Variants in AKAP9 observed in about 807,000 individuals in gnomAD.
AKAP9 encodes A-kinase anchor protein 9.
A neutral mutation model predicts 488.5 loss-of-function variants in AKAP9; 311 were observed. The ratio of observed to expected loss-of-function variants is 0.64; its 90% CI spans 0.58 to 0.70. The LOEUF (loss-of-function observed/expected upper bound fraction) is 0.70, where lower values mean the gene tolerates loss of function less well. Among genes scored for constraint, AKAP9 ranks in the 30% least tolerant of loss-of-function variants. The pLI, the probability that AKAP9 is intolerant of heterozygous loss-of-function variation, is 0.00. For missense variants in AKAP9, 4,215 were observed against 4,374.5 expected (o/e 0.96, Z 1.03); for synonymous variants, 1,462 against 1,483.5 (o/e 0.99, Z 0.33).
intron 28 of AKAP9, among the ~76,000 whole-genome samples, chr7:92,075,667 G>C (rs1433251494): frequency 2.6e-5 from 4 of 152,154 alleles, no homozygotes; most frequent in Non-Finnish European, 5.9e-5. Flanking sequence ...CTCTAAAATG[G>C]GGATACTCAG....
At chr7:92,083,789 A>AT (rs1380674888) in intron 33 of AKAP9, 134 bp downstream of exon 33, 2 of 894,582 alleles carry the variant, frequency 2.2e-6, no homozygotes, top group African/African-American at 3.4e-5. Flanking sequence ...AAGTAGGTGT[A>AT]TTATCAAGGC....
chr7:92,107,142 C>A (rs937412604), intron 47 of AKAP9, 151 bp from the exon 48 acceptor site: 3 of 807,294 alleles, frequency 3.7e-6, no homozygotes, highest in Non-Finnish European at 5.7e-6. Flanking sequence ...GTACTGTTTT[C>A]TCCTTTATCA....
chr7:91,976,362 C>G (rs1340261623), intron 2 of AKAP9, among the ~76,000 whole-genome samples: 1 of 152,194 alleles, frequency 6.6e-6, no homozygotes, highest in African/African-American at 2.4e-5. Context: ...GCTGGGACTA[C>G]AGGCCCATGC....
In AKAP9 at chr7:92,083,619, C is replaced by A. The variant is rs148603859; in HGVS notation, c.8610C>A (p.Thr2870=). Residue 2870 remains threonine (T), a synonymous_variant, in exon 33 of 50, where the codon ACC becomes ACA. Coordinates refer to ENST00000356239, the MANE Select transcript of AKAP9 (RefSeq NM_005751.5). ...AGTTACTGAAAGAGGAATGTGGTAC[C>A]TTGAAGGCAGTGATACAGTGTCTGA... is the stretch of plus-strand genomic sequence containing the variant. The part of the protein sequence containing the change: ...AVQLLKEECG[T]LKAVIQCLRS... 11 of 1,608,828 alleles carry A rather than the reference C, an allele frequency of 6.8e-6. No homozygotes were observed. The Admixed American group carries it at 1.4e-4, about 20-fold the overall frequency.
rs1554413472 is a variant in AKAP9 at position 92,018,435 on chromosome 7, C to CACACAT, written c.3837+1338_3837+1339insTACACA. 5.7e-3 allele frequency among the ~76,000 whole-genome samples: 801 copies of CACACAT among 141,044 alleles called. 5 individuals carry two copies. Among genetic ancestry groups the CACACAT allele is most frequent in the East Asian group, 0.018 (90 of 5,002 alleles). 92.5% of individuals were successfully genotyped at this position (141,044 alleles called of 152,430 possible). A position where few individuals can be genotyped will look rare whatever the true frequency, so the allele number is the denominator to read the frequency against. ...ACACACACACACACACACACACACA[C>CACACAT]ACACACAGAGAAATATTCAAAACTA... On this transcript the variant is annotated intron_variant, in intron 12 of 49. Transcript: ENST00000356239.
intron 46 of AKAP9, among the ~76,000 whole-genome samples, chr7:92,105,255 A>C (rs1287780857): frequency 6.6e-6 from 1 of 152,178 alleles, no homozygotes; most frequent in Non-Finnish European, 1.5e-5. Context: ...ACCTTGCAGC[A>C]TTCCCAGCAC....
chr7:91,957,794 C>G (rs56089661), intron 1 of AKAP9, among the ~76,000 whole-genome samples: 1 of 152,164 alleles, frequency 6.6e-6, no homozygotes, highest in African/African-American at 2.4e-5. Flanking sequence ...TATAAACTAA[C>G]ACTTCAAATT....
rs1222711252 is a variant in AKAP9 at position 92,079,377 on chromosome 7, T to A, written c.7244T>A (p.Val2415Glu). Residue 2415 changes from valine to glutamate, a missense_variant, in exon 31 of 50, where the codon GTA becomes GAA. By Grantham distance (121) the Val-to-Glu change is moderately radical. Coordinates refer to ENST00000356239, the MANE Select transcript of AKAP9 (RefSeq NM_005751.5). ...ANEEMTFMKN[V>E]LKETNFKMNQ... is the part of the protein sequence containing the mutation. ...GAAGAAATGACCTTCATGAAAAATG[T>A]ACTTAAAGAAACCAATTTTAAAATG... The A allele has an allele frequency of 1.9e-6, 3 of 1,614,010 alleles. No homozygotes were observed. In the East Asian group the frequency reaches 6.7e-5, roughly 36 times the overall value.
intron 1 of AKAP9, 44 bp from the exon 2 acceptor site, chr7:91,973,667 G>A (rs1404241300): frequency 6.3e-7 from 1 of 1,596,868 alleles, no homozygotes; most frequent in East Asian, 2.2e-5. Context: ...TGGCAATAAA[G>A]AAAAATTATC....
At chr7:91,995,099 G>A (rs552943352) in intron 6 of AKAP9, among the ~76,000 whole-genome samples, 1 of 152,202 alleles carries the variant, frequency 6.6e-6, no homozygotes, top group Admixed American at 6.5e-5. Flanking sequence ...GTTTATTTTA[G>A]TTAGGTTCTA....
intron 15 of AKAP9, 53 bp downstream of exon 15, chr7:92,030,044 A>G: frequency 6.6e-6 from 8 of 1,218,138 alleles, no homozygotes; most frequent in South Asian, 3.9e-5. Context: ...TGATTTTTCT[A>G]TCATTTTTAT....
Position 92,058,216 on chromosome 7 carries a change from G to A in AKAP9, c.5602-3044G>A, listed in dbSNP as rs759287519. ...TGGCAACTGTCAAAGTCAGTGGCTC[G>A]TGGTTAGAAGAGCAAGATGAAGACA... is the stretch of plus-strand genomic sequence containing the variant. On this transcript the variant is annotated intron_variant, in intron 22 of 49. Coordinates refer to ENST00000356239, the MANE Select transcript of AKAP9 (RefSeq NM_005751.5). 24 of 592,204 alleles carry A rather than the reference G, an allele frequency of 4.1e-5. 1 individual carries two copies. Among genetic ancestry groups the A allele is most frequent in the East Asian group, 3.3e-4 (9 of 27,558 alleles). The allele number at this position is 592,204 out of a possible 1,614,324, so 36.7% of individuals were successfully genotyped here.
At chr7:91,978,443 G>A (rs1182982471) in intron 2 of AKAP9, among the ~76,000 whole-genome samples, 1 of 152,050 alleles carries the variant, frequency 6.6e-6, no homozygotes, top group African/African-American at 2.4e-5. Context: ...AATATTTGTT[G>A]AATGAAAGGG....
chr7:91,987,144 G>A (rs1004427013), intron 3 of AKAP9, among the ~76,000 whole-genome samples: 1 of 152,090 alleles, frequency 6.6e-6, no homozygotes, highest in Non-Finnish European at 1.5e-5. Context: ...GCCAGGCACG[G>A]TGGCTCATTC....
chr7:92,042,895 G>T, intron 20 of AKAP9, 124 bp downstream of exon 20: 1 of 689,146 alleles, frequency 1.5e-6, no homozygotes, highest in Non-Finnish European at 2.6e-6. Flanking sequence ...CATACCATCT[G>T]TGTATGAAAC....
In AKAP9 at chr7:92,001,738, G is replaced by A. The variant is rs747117357; in HGVS notation, c.1821G>A (p.Lys607=). ...KIKLEMLEKE[K]NAVLDRMAES... ...AACTTGAAATGTTAGAAAAAGAAAA[G>A]AATGCTGTGTTAGACAGAATGGCTG... is the stretch of plus-strand genomic sequence containing the variant. The change falls in exon 8 of 50, where the codon AAG becomes AAA. Residue 607 remains lysine, a synonymous_variant. Coordinates refer to ENST00000356239, the MANE Select transcript of AKAP9 (RefSeq NM_005751.5). 1 of 1,613,002 alleles carries A rather than the reference G, an allele frequency of 6.2e-7. No homozygotes were observed. Among genetic ancestry groups the A allele is most frequent in the Non-Finnish European group, 8.5e-7 (1 of 1,179,748 alleles).
At chr7:91,948,476 T>G (rs1476517432) in intron 1 of AKAP9, among the ~76,000 whole-genome samples, 3 of 152,178 alleles carry the variant, frequency 2.0e-5, no homozygotes, top group Non-Finnish European at 4.4e-5. Flanking sequence ...GTTTTGTTTT[T>G]TTGTTTTTTT....
intron 22 of AKAP9, among the ~76,000 whole-genome samples, chr7:92,056,528 T>C (rs2130811248): frequency 6.7e-6 from 1 of 149,914 alleles, no homozygotes; most frequent in South Asian, 2.1e-4. Context: ...AACCCTCCAG[T>C]TAATCTGTGA....
intron 39 of AKAP9, 130 bp from the exon 40 acceptor site, chr7:92,094,893 A>G: frequency 1.4e-6 from 1 of 733,232 alleles, no homozygotes; most frequent in East Asian, 2.7e-5. Flanking sequence ...AAGAATCTTT[A>G]ATAGTTTATA....
Sources: gnomAD v4.1 joint callset for allele counts (sites outside exome capture counted in the v4.1 genomes callset) on GRCh38, gnomAD v4.1.1 for gene constraint, MANE v1.5 for transcripts, NCBI Gene and HGNC (gene_info 2026-07-23, HGNC 2026-07-21) for gene names.